PBX1: variants seen among roughly 807,000 people sequenced by gnomAD.
The protein encoded by PBX1 is PBX homeobox 1, also known as pre-B-cell leukemia transcription factor 1.
PBX1 carries 6 observed loss-of-function variants against 53.4 expected under a neutral mutation model. The ratio of observed to expected loss-of-function variants is 0.11; its 90% CI spans 0.06 to 0.22. PBX1 has a LOEUF of 0.22. Ranked by LOEUF, PBX1 falls within the 10% of genes least tolerant of loss-of-function variation. The probability of loss-of-function intolerance (pLI) is 1.00; values close to 1 mark genes in which losing one functional copy is unlikely to be tolerated. For synonymous variants in PBX1, 204 were observed against 212.3 expected (o/e 0.96, Z 0.34); for missense variants, 251 against 551.4 (o/e 0.46, Z 5.46).
At position 164,848,125 on chromosome 1, in the gene PBX1, T is replaced by A; in HGVS notation, c.*1449T>A. On this transcript the variant is annotated 3_prime_UTR_variant, in exon 9 of 9. Transcript: ENST00000420696. ...GCTTCATTTGAGGACCTGAGAATCA[T>A]GGGGAAAGGGAAGGTAATGTTTTCA... is the stretch of plus-strand genomic sequence containing the variant. 3.8e-6 allele frequency: 4 copies of A among 1,051,064 alleles called. No homozygotes were observed. Among genetic ancestry groups the A allele is most frequent in the Non-Finnish European group, 4.6e-6 (4 of 870,384 alleles). The allele number at this position is 1,051,064 out of a possible 1,614,324, so 65.1% of individuals were successfully genotyped here. A position where few individuals can be genotyped will look rare whatever the true frequency, so the allele number is the denominator to read the frequency against.
chr1:164,582,558 G>A (rs1029040286), intron 2 of PBX1, among the ~76,000 whole-genome samples: 1 of 151,978 alleles, frequency 6.6e-6, no homozygotes, highest in Non-Finnish European at 1.5e-5. Context: ...GAGTAGCTGG[G>A]ATTACAGGCA....
chr1:164,786,509 C>T (rs1013597261), intron 2 of PBX1, among the ~76,000 whole-genome samples: 4 of 152,110 alleles, frequency 2.6e-5, no homozygotes, highest in Admixed American at 2.6e-4. Context: ...CATTCTATCA[C>T]CCAATACAGT....
At chr1:164,783,970 T>C (rs1475992666) in intron 2 of PBX1, among the ~76,000 whole-genome samples, 3 of 152,236 alleles carry the variant, frequency 2.0e-5, no homozygotes, top group African/African-American at 7.2e-5. Flanking sequence ...GAAATACCAT[T>C]GTAGAGAGAA....
At chr1:164,786,207 G>T (rs1231205259) in intron 2 of PBX1, among the ~76,000 whole-genome samples, 1 of 152,040 alleles carries the variant, frequency 6.6e-6, no homozygotes, top group Non-Finnish European at 1.5e-5. Flanking sequence ...TTATTATATT[G>T]CTCTTAAGAA....
intron 4 of PBX1, among the ~76,000 whole-genome samples, chr1:164,806,306 A>C (rs1054079041): frequency 6.6e-6 from 1 of 152,152 alleles, no homozygotes. Flanking sequence ...TATTAAAAAA[A>C]AGTGATTTTC....
chr1:164,866,564 T>C (rs986650350), intron 2 of PBX1, among the ~76,000 whole-genome samples: 1 of 152,264 alleles, frequency 6.6e-6, no homozygotes, highest in Non-Finnish European at 1.5e-5. Context: ...GATATCATGC[T>C]GATCCTGACT....
intron 2 of PBX1, among the ~76,000 whole-genome samples, chr1:164,663,608 A>G (rs1660642150): frequency 6.6e-6 from 1 of 152,178 alleles, no homozygotes; most frequent in Non-Finnish European, 1.5e-5. Context: ...ATTTAATGAG[A>G]TGATTGCACC....
chr1:164,727,948 G>A (rs1664783691), intron 2 of PBX1, among the ~76,000 whole-genome samples: 1 of 152,170 alleles, frequency 6.6e-6, no homozygotes, highest in African/African-American at 2.4e-5. Flanking sequence ...CATCTGCAGA[G>A]GATATGAGAA....
chr1:164,828,870 G>C (rs1477741226), intron 8 of PBX1: 1 of 152,088 alleles, frequency 6.6e-6, no homozygotes, highest in Admixed American at 6.5e-5. Flanking sequence ...AGACAAGCTT[G>C]TTTTCGGATA....
intron 5 of PBX1, among the ~76,000 whole-genome samples, chr1:164,808,672 C>T (rs1669466108): frequency 6.6e-6 from 1 of 152,080 alleles, no homozygotes; most frequent in Admixed American, 6.5e-5. Context: ...TTCTGTTAAT[C>T]CCTGCAGGGT....
intron 2 of PBX1, among the ~76,000 whole-genome samples, chr1:164,576,593 C>T (rs937907261): frequency 6.6e-6 from 1 of 152,234 alleles, no homozygotes; most frequent in Non-Finnish European, 1.5e-5. Context: ...TTCATCATTT[C>T]CCTTGCCTGG....
At chr1:164,772,321 A>G (rs1225239939) in intron 2 of PBX1, among the ~76,000 whole-genome samples, 1 of 152,172 alleles carries the variant, frequency 6.6e-6, no homozygotes, top group Non-Finnish European at 1.5e-5. Flanking sequence ...GGCATTTTAA[A>G]TCCTAGCCAA....
In PBX1 at chr1:164,791,723, G is replaced by C. The variant is rs16834950; in HGVS notation, c.266-771G>C. On this transcript the variant is annotated intron_variant, in intron 2 of 8. Transcript: ENST00000420696. ...AATGCTTTTCCTTAAATTGAAATTA[G>C]GTAGTATGGGGATGAAAGTAAAAAA... Among the ~76,000 whole-genome samples, 15 of 152,276 alleles carry C rather than the reference G, an allele frequency of 9.9e-5. No homozygotes were observed. The East Asian group carries it at 2.9e-3, about 29-fold the overall frequency.
At chr1:164,870,342 T>C (rs1672347585) in intron 2 of PBX1, among the ~76,000 whole-genome samples, 1 of 115,264 alleles carries the variant, frequency 8.7e-6, no homozygotes, top group Non-Finnish European at 1.8e-5. Context: ...TCTTTCTTTC[T>C]TTCTTTCTTT....
At chr1:164,868,028 T>C (rs1031640946) in intron 2 of PBX1, among the ~76,000 whole-genome samples, 10 of 152,136 alleles carry the variant, frequency 6.6e-5, no homozygotes, top group African/African-American at 9.7e-5. Flanking sequence ...TCATCTATTC[T>C]CAAAACAGAC....
At chr1:164,790,865 C>G (rs1175185694) in intron 2 of PBX1, among the ~76,000 whole-genome samples, 1 of 152,200 alleles carries the variant, frequency 6.6e-6, no homozygotes, top group African/African-American at 2.4e-5. Flanking sequence ...TCATCTTCAC[C>G]TTCCCTGTTA....
intron 8 of PBX1, among the ~76,000 whole-genome samples, chr1:164,833,703 T>A (rs1158722551): frequency 6.6e-6 from 1 of 152,148 alleles, no homozygotes; most frequent in East Asian, 1.9e-4. Flanking sequence ...CAGTAGGTGC[T>A]CAATGAATGC....
intron 3 of PBX1, among the ~76,000 whole-genome samples, chr1:164,798,562 G>A (rs576566784): frequency 6.6e-6 from 1 of 152,318 alleles, no homozygotes; most frequent in South Asian, 2.1e-4. Flanking sequence ...AAAATAGGAA[G>A]GGCTCAGGCC....
intron 2 of PBX1, among the ~76,000 whole-genome samples, chr1:164,880,744 T>G (rs995983657): frequency 6.6e-6 from 1 of 152,184 alleles, no homozygotes. Flanking sequence ...AGCCCTCTAG[T>G]GTGTCTAGAG....
Sources: allele counts gnomAD v4.1 joint callset (sites outside exome capture counted in the v4.1 genomes callset), GRCh38; gene constraint gnomAD v4.1.1; transcripts MANE v1.5; gene names NCBI Gene and HGNC (gene_info 2026-07-23, HGNC 2026-07-21).